The following G2E3 variants were observed in gnomAD, a reference collection of about 807,000 sequenced individuals.
G2E3 encodes G2/M-phase specific E3 ubiquitin protein ligase.
Under a neutral mutation model 92.8 loss-of-function variants are expected in G2E3, and 35 were observed. The observed-to-expected ratio is 0.38, with a 90% CI of 0.29 to 0.50. The LOEUF is 0.50. G2E3 is among the 20% of genes least tolerant of loss of function. The pLI, the probability that G2E3 is intolerant of heterozygous loss-of-function variation, is 0.94. For missense variants in G2E3, 554 were observed against 823.8 expected (o/e 0.67, Z 4.01); for synonymous variants, 242 against 272.4 (o/e 0.89, Z 1.10).
At chr14:30,566,233 A>G (rs889418596) in intron 1 of G2E3, among the ~76,000 whole-genome samples, 5 of 152,114 alleles carry the variant, frequency 3.3e-5, no homozygotes, top group African/African-American at 1.2e-4. Flanking sequence ...CCTTTTGACT[A>G]TTCAGGATCC....
intron 3 of G2E3, among the ~76,000 whole-genome samples, chr14:30,587,388 A>T (rs375312489): frequency 6.6e-6 from 1 of 152,144 alleles, no homozygotes; most frequent in Non-Finnish European, 1.5e-5. Context: ...ATGCCTTAAG[A>T]TATTAGTGGC....
chr14:30,585,585 C>CTT lies in G2E3; in HGVS notation c.38-1123_38-1122dup, dbSNP rs1166405949. Among the ~76,000 whole-genome samples the CTT allele has an allele frequency of 3.5e-3, 510 of 144,570 alleles. 5 individuals carry two copies. Among genetic ancestry groups the CTT allele is most frequent in the African/African-American group, 0.012 (482 of 39,708 alleles). The allele number at this position is 144,570 out of a possible 152,430, so 94.8% of individuals were successfully genotyped here. A position where few individuals can be genotyped will look rare whatever the true frequency, so the allele number is the denominator to read the frequency against. ...GTTGTAAGTTTTTAATCTTCTCCCC[C>CTT]TTTTTTTTTTTGGTTAGTCTAGTTA... On this transcript the variant is annotated intron_variant, in intron 2 of 14. Coordinates refer to ENST00000206595, the MANE Select transcript of G2E3 (RefSeq NM_017769.5).
At position 30,586,663 on chromosome 14, in the gene G2E3, GT is replaced by G. The variant is rs572984978; in HGVS notation, c.38-48del. The G allele has an allele frequency of 1.5e-3, 915 of 607,572 alleles. 8 individuals carry two copies. The African/African-American group carries it at 0.016, about 10-fold the overall frequency. 37.6% of individuals were successfully genotyped at this position (607,572 alleles called of 1,614,324 possible). On this transcript the variant is annotated intron_variant, in intron 2 of 14. Transcript: ENST00000206595. ...TTTAGAGAAGCACCAATTCCATAGG[GT>G]TTTTTTGAAATATTTAAATATATTT...
At chr14:30,564,614 G>A (rs897641191) in intron 1 of G2E3, among the ~76,000 whole-genome samples, 1 of 152,184 alleles carries the variant, frequency 6.6e-6, no homozygotes, top group East Asian at 1.9e-4. Flanking sequence ...AATTACAGGT[G>A]TGAGCCACCA....
At position 30,617,795 on chromosome 14, in the gene G2E3, CAA is replaced by C. The variant is rs1417890787; in HGVS notation, c.*1262_*1263del. On this transcript the variant is annotated 3_prime_UTR_variant, in exon 15 of 15. Transcript: ENST00000206595. ...AGTAACTGTACTAACAAAGTGCTAA[CAA>C]TGTGAAAATATATAGTCCCATAGTC... 6.6e-6 allele frequency: 1 copy of C among 151,998 alleles called. No homozygotes were observed. Among genetic ancestry groups the C allele is most frequent in the Non-Finnish European group, 1.5e-5 (1 of 67,914 alleles). 9.4% of individuals were successfully genotyped at this position (151,998 alleles called of 1,614,324 possible). A position where few individuals can be genotyped will look rare whatever the true frequency, so the allele number is the denominator to read the frequency against.
chr14:30,581,113 C>A lies in G2E3; in HGVS notation c.34C>A (p.Leu12Ile). ...AAGTAAACCTGGTGACTCACAGAAC[C>A]TTGGTAAGTAACTGTATTTAAAATA... The part of the protein sequence containing the change: ...NESKPGDSQN[L>I]ACVFCRKHDD... Residue 12 changes from leucine (L) to isoleucine (I), a missense_variant, in exon 2 of 15, where the codon CTT (leucine) becomes ATT (isoleucine). Physicochemically the swap from Leu to Ile is conservative, Grantham distance 5. This residue lies in a region of G2E3 where 137 missense variants were observed against 201.3 expected (regional missense o/e 0.68). Coordinates refer to ENST00000206595, the MANE Select transcript of G2E3 (RefSeq NM_017769.5). The A allele has an allele frequency of 6.9e-7, 1 of 1,451,994 alleles. No individual in the cohort carries two copies. The highest frequency in any genetic ancestry group is 9.7e-7 in the Non-Finnish European group (1 of 1,034,598). The allele number at this position is 1,451,994 out of a possible 1,614,324, so 89.9% of individuals were successfully genotyped here.
chr14:30,604,105 A>T (rs1441974358), intron 10 of G2E3, among the ~76,000 whole-genome samples: 1 of 152,244 alleles, frequency 6.6e-6, no homozygotes, highest in African/African-American at 2.4e-5. Flanking sequence ...ACACCAGGGA[A>T]GCTTGACTCC....
chr14:30,597,277 A>C, intron 6 of G2E3, 143 bp from the exon 7 acceptor site: 1 of 595,298 alleles, frequency 1.7e-6, no homozygotes, highest in East Asian at 2.9e-5. Context: ...AACTTAGTTT[A>C]TAAGGACAAA....
At chr14:30,562,294 A>G (rs1879147112) in intron 1 of G2E3, among the ~76,000 whole-genome samples, 2 of 152,182 alleles carry the variant, frequency 1.3e-5, no homozygotes. Flanking sequence ...TTATATATGA[A>G]TATCATTAAT....
At chr14:30,614,431 C>T (rs1882224607) in intron 13 of G2E3, among the ~76,000 whole-genome samples, 1 of 152,228 alleles carries the variant, frequency 6.6e-6, no homozygotes, top group South Asian at 2.1e-4. Context: ...AGTGAGCACT[C>T]AACCCATAGG....
intron 1 of G2E3, 129 bp from the exon 2 acceptor site, chr14:30,580,947 G>T: frequency 1.6e-6 from 1 of 641,164 alleles, no homozygotes; most frequent in Non-Finnish European, 2.8e-6. Flanking sequence ...ATGTATTAAA[G>T]GTAAGAAAAA....
At chr14:30,572,284 C>T (rs562999470) in intron 1 of G2E3, among the ~76,000 whole-genome samples, 36 of 152,218 alleles carry the variant, frequency 2.4e-4, no homozygotes, top group African/African-American at 7.7e-4. Context: ...TTTACTTCAT[C>T]CTTCACAGTT....
chr14:30,582,849 C>T (rs752595009), intron 2 of G2E3, among the ~76,000 whole-genome samples: 1 of 152,190 alleles, frequency 6.6e-6, no homozygotes. Flanking sequence ...TAGGCTATTT[C>T]ACTATATTAA....
At chr14:30,605,406 CT>C (rs150934449) in intron 10 of G2E3, 98 bp from the exon 11 acceptor site, 7,422 of 497,378 alleles carry the variant, frequency 0.015, 424 homozygotes, top group African/African-American at 0.12. Flanking sequence ...TCCTATTAAT[CT>C]TTTTTTCCCC....
chr14:30,571,764 CTA>C (rs1451493707), intron 1 of G2E3, among the ~76,000 whole-genome samples: 1 of 151,954 alleles, frequency 6.6e-6, no homozygotes, highest in African/African-American at 2.4e-5. Flanking sequence ...TTCTATTGAG[CTA>C]TATATCTGAC....
At chr14:30,600,360 A>G (rs572857565) in intron 8 of G2E3, among the ~76,000 whole-genome samples, 7 of 152,168 alleles carry the variant, frequency 4.6e-5, no homozygotes, top group Non-Finnish European at 8.8e-5. Context: ...ATTTAATGCT[A>G]TTAAACCAAA....
chr14:30,585,415 T>C (rs1177669626), intron 2 of G2E3, among the ~76,000 whole-genome samples: 1 of 152,210 alleles, frequency 6.6e-6, no homozygotes, highest in Admixed American at 6.5e-5. Flanking sequence ...GATGAGACTA[T>C]TCTTTCACCA....
intron 1 of G2E3, among the ~76,000 whole-genome samples, chr14:30,566,053 T>C (rs1879417053): frequency 6.6e-6 from 1 of 152,248 alleles, no homozygotes; most frequent in African/African-American, 2.4e-5. Context: ...GGCACCCTTA[T>C]TGAAAATTAG....
chr14:30,577,594 C>T (rs187075497), intron 1 of G2E3, among the ~76,000 whole-genome samples: 1 of 152,172 alleles, frequency 6.6e-6, no homozygotes, highest in Non-Finnish European at 1.5e-5. Flanking sequence ...GCCTCCATTC[C>T]TTACCAACTG....
Sources: allele counts gnomAD v4.1 joint callset (sites outside exome capture counted in the v4.1 genomes callset), GRCh38; gene constraint gnomAD v4.1.1; regional missense constraint gnomAD v4.1.1; transcripts MANE v1.5; gene names NCBI Gene and HGNC (gene_info 2026-07-23, HGNC 2026-07-21).